Variants in ASCC1 observed in about 807,000 individuals in gnomAD.
The protein encoded by ASCC1 is activating signal cointegrator 1 complex subunit 1.
ASCC1 carries 35 observed loss-of-function variants against 46.6 expected under a neutral mutation model. That is an observed-to-expected ratio of 0.75 (90% CI 0.57 to 0.99). The LOEUF is 0.99. Ranked by LOEUF, ASCC1 falls within the 50% of genes least tolerant of loss-of-function variation. ASCC1 has a pLI of 0.00. For synonymous variants in ASCC1, 143 were observed against 146.6 expected (o/e 0.98, Z 0.18); for missense variants, 376 against 428.7 (o/e 0.88, Z 1.09).
chr10:72,105,882 A>G (rs908180408), intron 9 of ASCC1, among the ~76,000 whole-genome samples: 1 of 152,154 alleles, frequency 6.6e-6, no homozygotes, highest in Non-Finnish European at 1.5e-5. Flanking sequence ...TCCAAATGCA[A>G]CAAGGCTGCC....
intron 9 of ASCC1, among the ~76,000 whole-genome samples, chr10:72,120,995 T>A (rs1564604881): frequency 6.6e-6 from 1 of 152,112 alleles, no homozygotes; most frequent in South Asian, 2.1e-4. Flanking sequence ...CAGTAACATA[T>A]ATAATAAACA....
chr10:72,112,343 TTC>T (rs1250611715), intron 9 of ASCC1, among the ~76,000 whole-genome samples: 12 of 152,112 alleles, frequency 7.9e-5, no homozygotes, highest in Admixed American at 3.3e-4. Context: ...AAATGTACAA[TTC>T]CACTTACATG....
intron 7 of ASCC1, among the ~76,000 whole-genome samples, chr10:72,139,200 G>A (rs1439596218): frequency 6.9e-6 from 1 of 144,142 alleles, no homozygotes; most frequent in Non-Finnish European, 1.5e-5. Flanking sequence ...TGCAACCTTC[G>A]CCTCCCAGGT....
chr10:72,195,809 G>C (rs1209942086), intron 5 of ASCC1, among the ~76,000 whole-genome samples: 4 of 151,072 alleles, frequency 2.6e-5, no homozygotes, highest in African/African-American at 9.7e-5. Context: ...ACTCCAGCCT[G>C]GGCAACAAGA....
chr10:72,196,904 G>C lies in ASCC1; in HGVS notation c.396C>G (p.Pro132=). The part of the protein sequence containing the change: ...VLLDTFRRKQ[P]FTHFLAFFLN... ...GGAAAAAGGCAAGGAAGTGAGTGAAGGGCTGCTTTCTTCGAAAAGTGTCCA... is the reference window on the plus strand; with the variant it reads ...GGAAAAAGGCAAGGAAGTGAGTGAACGGCTGCTTTCTTCGAAAAGTGTCCA... The change falls in exon 5 of 10, where the codon CCC becomes CCG. Residue 132 remains proline, a synonymous_variant. Coordinates refer to ENST00000672957, the MANE Select transcript of ASCC1 (RefSeq NM_001198800.3). 2 of 1,613,610 alleles carry C rather than the reference G, an allele frequency of 1.2e-6. No individual in the cohort carries two copies. The highest frequency in any genetic ancestry group is 1.7e-5 in the Admixed American group (1 of 60,006).
chr10:72,201,388 G>A (rs748871022), intron 4 of ASCC1, among the ~76,000 whole-genome samples: 2 of 152,158 alleles, frequency 1.3e-5, no homozygotes, highest in Non-Finnish European at 1.5e-5. Context: ...TACAATCTAT[G>A]AACATTTATG....
intron 3 of ASCC1, among the ~76,000 whole-genome samples, chr10:72,207,490 A>G (rs1446422523): frequency 3.3e-5 from 5 of 152,200 alleles, no homozygotes; most frequent in Non-Finnish European, 7.3e-5. Context: ...GGTTGAATAC[A>G]TAAGAGGAAA....
intron 9 of ASCC1, among the ~76,000 whole-genome samples, chr10:72,126,937 G>A (rs1844930918): frequency 6.6e-6 from 1 of 152,196 alleles, no homozygotes; most frequent in Admixed American, 6.5e-5. Flanking sequence ...TGCAGGTGCG[G>A]GAATGCCTGA....
intron 1 of ASCC1, among the ~76,000 whole-genome samples, chr10:72,215,112 T>A (rs1251274144): frequency 6.6e-6 from 1 of 152,174 alleles, no homozygotes; most frequent in Non-Finnish European, 1.5e-5. Context: ...TACACTAATG[T>A]TCAAGCCAAC....
Position 72,195,037 on chromosome 10 carries a change from C to T in ASCC1, c.489+1774G>A, listed in dbSNP as rs769898566. On this transcript the variant is annotated intron_variant, in intron 5 of 9. Transcript: ENST00000672957. ...TATTACAGGTGTGAGCCACCATGCC[C>T]GGCCCAGATTATGTTATTTTAGTCA... is the stretch of plus-strand genomic sequence containing the variant. Among the ~76,000 whole-genome samples, 29 of 151,988 alleles carry T rather than the reference C, an allele frequency of 1.9e-4. No individual in the cohort carries two copies. The South Asian group carries it at 2.5e-3, about 13-fold the overall frequency.
At chr10:72,177,230 C>T (rs78218133) in intron 5 of ASCC1, among the ~76,000 whole-genome samples, 2,869 of 152,180 alleles carry the variant, frequency 0.019, 42 homozygotes, top group Non-Finnish European at 0.03. Flanking sequence ...TCTTACTTTC[C>T]TACCCAACTT....
chr10:72,118,637 G>A (rs1403044896), intron 9 of ASCC1, among the ~76,000 whole-genome samples: 1 of 151,672 alleles, frequency 6.6e-6, no homozygotes, highest in Non-Finnish European at 1.5e-5. Context: ...AAATTAGCCG[G>A]TCATGGTGGT....
chr10:72,168,898 T>C (rs1353935955), intron 5 of ASCC1, among the ~76,000 whole-genome samples: 2 of 152,182 alleles, frequency 1.3e-5, no homozygotes, highest in African/African-American at 2.4e-5. Flanking sequence ...AGAAAACAAA[T>C]TTCTATTGTT....
chr10:72,168,174 G>C (rs1459758951), intron 5 of ASCC1, among the ~76,000 whole-genome samples: 2 of 152,112 alleles, frequency 1.3e-5, no homozygotes, highest in Non-Finnish European at 1.5e-5. Context: ...CTGGGTGACA[G>C]AGCGAGACTC....
At chr10:72,138,857 C>T (rs1165687583) in intron 7 of ASCC1, among the ~76,000 whole-genome samples, 1 of 151,956 alleles carries the variant, frequency 6.6e-6, no homozygotes, top group Non-Finnish European at 1.5e-5. Flanking sequence ...TGAGCCACCG[C>T]GCTCGGCTTG....
Position 72,140,777 on chromosome 10 carries a change from G to A in ASCC1, c.747-7596C>T, listed in dbSNP as rs111762963. On this transcript the variant is annotated intron_variant, in intron 7 of 9. Transcript: ENST00000672957. The stretch of plus-strand genomic sequence containing the variant: ...AGAGGCTTGGCTGTGAAAGGAAGAT[G>A]GCAAACTATGTATAGTGATGCAGGG... Among the ~76,000 whole-genome samples the A allele has an allele frequency of 9.0e-4, 137 of 152,226 alleles. 2 individuals are homozygous for A. Among genetic ancestry groups the A allele is most frequent in the African/African-American group, 3.2e-3 (133 of 41,534 alleles).
At chr10:72,120,677 G>A (rs377380952) in intron 9 of ASCC1, among the ~76,000 whole-genome samples, 3 of 151,222 alleles carry the variant, frequency 2.0e-5, no homozygotes, top group Non-Finnish European at 4.4e-5. Flanking sequence ...GAAAGAAGCC[G>A]AAGGGAAAAA....
At chr10:72,184,903 A>G (rs1188826344) in intron 5 of ASCC1, among the ~76,000 whole-genome samples, 1 of 152,192 alleles carries the variant, frequency 6.6e-6, no homozygotes, top group Non-Finnish European at 1.5e-5. Context: ...TGTTATGTAT[A>G]TTTCACCATA....
chr10:72,133,062 G>A lies in ASCC1; in HGVS notation c.866C>T (p.Pro289Leu), dbSNP rs1196470176. The change falls in exon 8 of 10, where the codon CCC (proline) becomes CTC (leucine). Residue 289 changes from proline (P) to leucine (L), a missense_variant. Transcript: ENST00000672957. Reference sequence around the variant, plus strand: ...TAGTTCTCTGGGGGACTTACCATTGGGGTCTTTCCTGAATAGTGTATTCAT... The same window carrying A: ...TAGTTCTCTGGGGGACTTACCATTGAGGTCTTTCCTGAATAGTGTATTCAT... ...TVMNTLFRKD[P>L]NAEGRYNLYT... 2 of 1,613,988 alleles carry A rather than the reference G, an allele frequency of 1.2e-6. No individual in the cohort carries two copies. The highest frequency in any genetic ancestry group is 3.3e-5 in the Admixed American group (2 of 60,008).
Sources: gnomAD v4.1 joint callset for allele counts (sites outside exome capture counted in the v4.1 genomes callset) on GRCh38, gnomAD v4.1.1 for gene constraint, MANE v1.5 for transcripts, NCBI Gene and HGNC (gene_info 2026-07-23, HGNC 2026-07-21) for gene names.